Variants in PPP3R1 observed in about 807,000 individuals in gnomAD.
The protein encoded by PPP3R1 is calcineurin subunit B type 1.
In PPP3R1, 5 loss-of-function variants were observed where a neutral mutation model predicts 22.6. That is an observed-to-expected ratio of 0.22 (90% CI 0.12 to 0.46). The LOEUF (loss-of-function observed/expected upper bound fraction) is 0.46. Among genes scored for constraint, PPP3R1 ranks in the 20% least tolerant of loss-of-function variants. PPP3R1 has a pLI of 0.99. For synonymous variants in PPP3R1, 56 were observed against 65.2 expected (o/e 0.86, Z 0.68); for missense variants, 61 against 203.2 (o/e 0.30, Z 4.25).
intron 1 of PPP3R1, among the ~76,000 whole-genome samples, chr2:68,230,237 C>T (rs907234983): frequency 2.6e-5 from 4 of 152,194 alleles, no homozygotes; most frequent in African/African-American, 9.7e-5. Flanking sequence ...AGGCAATCCA[C>T]ATGCCTCAAC....
intron 2 of PPP3R1, among the ~76,000 whole-genome samples, chr2:68,213,044 G>C (rs896973977): frequency 2.0e-5 from 3 of 152,200 alleles, no homozygotes; most frequent in Non-Finnish European, 2.9e-5. Context: ...TTTGGCTTAA[G>C]GGAATTTTGT....
intron 2 of PPP3R1, among the ~76,000 whole-genome samples, chr2:68,195,402 T>C (rs373344678): frequency 1.3e-5 from 2 of 152,166 alleles, no homozygotes; most frequent in African/African-American, 2.4e-5. Context: ...GACATCAATA[T>C]GTCTTATTAC....
At chr2:68,210,540 C>A (rs1487180370) in intron 2 of PPP3R1, among the ~76,000 whole-genome samples, 1 of 152,158 alleles carries the variant, frequency 6.6e-6, no homozygotes, top group African/African-American at 2.4e-5. Context: ...CCAACTAAGT[C>A]AGACAACCAA....
chr2:68,189,349 A>C (rs1237380977), intron 2 of PPP3R1, among the ~76,000 whole-genome samples: 1 of 152,224 alleles, frequency 6.6e-6, no homozygotes. Context: ...TTCACTTATC[A>C]ACACTTTAAA....
chr2:68,199,021 T>A (rs900911362), intron 2 of PPP3R1, among the ~76,000 whole-genome samples: 5 of 152,198 alleles, frequency 3.3e-5, no homozygotes, highest in Admixed American at 3.3e-4. Context: ...TGGAGTGCAG[T>A]GGCACGATCT....
chr2:68,198,210 A>G (rs1038138796), intron 2 of PPP3R1, among the ~76,000 whole-genome samples: 15 of 138,756 alleles, frequency 1.1e-4, no homozygotes, highest in South Asian at 4.7e-4. Context: ...ATATGTGCAT[A>G]CATATATACA....
At chr2:68,217,034 ACAC>A in intron 2 of PPP3R1, 55 bp downstream of exon 2, 1 of 1,223,142 alleles carries the variant, frequency 8.2e-7, no homozygotes, top group Non-Finnish European at 1.1e-6. Context: ...ACACACACAC[ACAC>A]ACAGAGAGAG....
chr2:68,199,471 G>A (rs1010302077), intron 2 of PPP3R1, among the ~76,000 whole-genome samples: 30 of 152,016 alleles, frequency 2.0e-4, no homozygotes, highest in African/African-American at 7.0e-4. Context: ...ATCATGTTGT[G>A]ACTAGGACTT....
chr2:68,231,335 G>A (rs1288624893), intron 1 of PPP3R1, among the ~76,000 whole-genome samples: 1 of 150,976 alleles, frequency 6.6e-6, no homozygotes, highest in African/African-American at 2.4e-5. Context: ...CTTTCTTTAT[G>A]TCTTCTATTT....
At chr2:68,187,413 G>A (rs1674568405) in intron 3 of PPP3R1, 99 bp from the exon 4 acceptor site, 3 of 1,075,176 alleles carry the variant, frequency 2.8e-6, no homozygotes, top group Admixed American at 2.3e-5. Context: ...TTTCCTTGCT[G>A]CAAAACAGAA....
chr2:68,217,965 C>T lies in PPP3R1; in HGVS notation c.4-834G>A, dbSNP rs755059953. Among the ~76,000 whole-genome samples the T allele has an allele frequency of 4.6e-5, 7 of 152,154 alleles. No individual in the cohort carries two copies. In the East Asian group the frequency reaches 5.8e-4, roughly 13 times the overall value. On this transcript the variant is annotated intron_variant, in intron 1 of 5. Coordinates refer to ENST00000234310, the MANE Select transcript of PPP3R1 (RefSeq NM_000945.4). ...CACACCATTTGATTAGCAGTGGAATCGAAAGTACTTCTAAATCTAAAACAG... is the reference window on the plus strand; with the variant it reads ...CACACCATTTGATTAGCAGTGGAATTGAAAGTACTTCTAAATCTAAAACAG...
intron 2 of PPP3R1, among the ~76,000 whole-genome samples, chr2:68,194,606 A>C (rs1674732076): frequency 6.6e-6 from 1 of 152,126 alleles, no homozygotes; most frequent in Non-Finnish European, 1.5e-5. Flanking sequence ...ATAGTAAAGA[A>C]AAGACCACAG....
intron 1 of PPP3R1, among the ~76,000 whole-genome samples, chr2:68,222,625 T>C (rs1235710294): frequency 6.6e-6 from 1 of 152,236 alleles, no homozygotes; most frequent in Non-Finnish European, 1.5e-5. Context: ...CTAGAATTTA[T>C]ACCATCAGTT....
intron 1 of PPP3R1, among the ~76,000 whole-genome samples, chr2:68,244,664 C>G (rs1032993858): frequency 9.2e-5 from 14 of 152,076 alleles, no homozygotes; most frequent in African/African-American, 3.4e-4. Flanking sequence ...TTCTAATTCT[C>G]AAGAATATCC....
intron 2 of PPP3R1, among the ~76,000 whole-genome samples, chr2:68,214,669 T>C (rs1382679065): frequency 4.6e-5 from 7 of 152,312 alleles, no homozygotes; most frequent in Non-Finnish European, 4.4e-5. Context: ...GGAACGCTTA[T>C]ACACTGCTGG....
At chr2:68,209,391 A>C (rs1432913117) in intron 2 of PPP3R1, among the ~76,000 whole-genome samples, 5 of 123,534 alleles carry the variant, frequency 4.0e-5, no homozygotes, top group South Asian at 2.9e-4. Flanking sequence ...AAAAAAAAAA[A>C]CTGTGGAAGT....
intron 1 of PPP3R1, among the ~76,000 whole-genome samples, chr2:68,242,314 C>A (rs1670152122): frequency 6.6e-6 from 1 of 151,872 alleles, no homozygotes; most frequent in African/African-American, 2.4e-5. Flanking sequence ...GCAATCACAG[C>A]TACTCGAAAG....
intron 1 of PPP3R1, among the ~76,000 whole-genome samples, chr2:68,242,307 A>C (rs1192776915): frequency 6.6e-6 from 1 of 152,020 alleles, no homozygotes; most frequent in Non-Finnish European, 1.5e-5. Flanking sequence ...CGCACCCGCA[A>C]TCACAGCTAC....
intron 2 of PPP3R1, among the ~76,000 whole-genome samples, chr2:68,198,341 A>G (rs1384899290): frequency 5.5e-5 from 5 of 90,312 alleles, no homozygotes; most frequent in South Asian, 3.6e-4. Flanking sequence ...ACATATATGT[A>G]CATGTATATG....
Sources: allele counts gnomAD v4.1 joint callset (sites outside exome capture counted in the v4.1 genomes callset), GRCh38; gene constraint gnomAD v4.1.1; transcripts MANE v1.5; gene names NCBI Gene and HGNC (gene_info 2026-07-23, HGNC 2026-07-21).